PCP4: variants seen among roughly 807,000 people sequenced by gnomAD.
PCP4 encodes the protein Purkinje cell protein 4.
Under a neutral mutation model 10.0 loss-of-function variants are expected in PCP4, and 8 were observed. The ratio of observed to expected loss-of-function variants is 0.80; its 90% CI spans 0.47 to 1.45. The LOEUF is 1.45. Ranked by LOEUF, PCP4 falls within the 40% of genes most tolerant of loss-of-function variation. The pLI is 0.00. For synonymous variants in PCP4, 21 were observed against 23.0 expected (o/e 0.91, Z 0.24); for missense variants, 54 against 74.4 (o/e 0.73, Z 1.01).
chr21:39,884,865 A>G (rs765018266), intron 1 of PCP4, among the ~76,000 whole-genome samples: 1 of 152,076 alleles, frequency 6.6e-6, no homozygotes, highest in Non-Finnish European at 1.5e-5. Flanking sequence ...TTGTGTGCTT[A>G]TAGTCAGTCC....
At chr21:39,901,138 T>C (rs2087480634) in intron 2 of PCP4, among the ~76,000 whole-genome samples, 1 of 152,164 alleles carries the variant, frequency 6.6e-6, no homozygotes, top group African/African-American at 2.4e-5. Flanking sequence ...TATCATGTGA[T>C]GTGTAGCCTA....
At position 39,885,764 on chromosome 21, in the gene PCP4, G is replaced by A. The variant is rs1039852122; in HGVS notation, c.10-12712G>A. Among the ~76,000 whole-genome samples the A allele has an allele frequency of 9.2e-5, 14 of 152,352 alleles. 1 individual carries two copies. Among genetic ancestry groups the A allele is most frequent in the African/African-American group, 3.1e-4 (13 of 41,592 alleles). On this transcript the variant is annotated intron_variant, in intron 1 of 2. Coordinates refer to ENST00000328619, the MANE Select transcript of PCP4 (RefSeq NM_006198.3). Reference sequence around the variant, plus strand: ...AGAGCCTGGGAGCCAGACTTTGCCCGGCTTTCTTTCCTGAGCGTGCTTCTA... The same window carrying A: ...AGAGCCTGGGAGCCAGACTTTGCCCAGCTTTCTTTCCTGAGCGTGCTTCTA...
intron 1 of PCP4, among the ~76,000 whole-genome samples, chr21:39,884,709 A>G (rs1465271844): frequency 6.6e-6 from 1 of 152,020 alleles, no homozygotes; most frequent in Non-Finnish European, 1.5e-5. Context: ...AGACAGGACA[A>G]TTGCTTGAAC....
Position 39,906,980 on chromosome 21 carries a change from T to A in PCP4, c.61+8453T>A, listed in dbSNP as rs1028881891. Among the ~76,000 whole-genome samples, 1 of 152,312 alleles carries A rather than the reference T, an allele frequency of 6.6e-6. No individual in the cohort carries two copies. The highest frequency in any genetic ancestry group is 2.1e-4 in the South Asian group (1 of 4,818). The stretch of plus-strand genomic sequence containing the variant: ...TAAGTAGGTGAAACACTCATAATCT[T>A]ATTTATAGAATTAATGTGCACAGCA... On this transcript the variant is annotated intron_variant, in intron 2 of 2. Coordinates refer to ENST00000328619, the MANE Select transcript of PCP4 (RefSeq NM_006198.3). This position sits in a 1 kb window ranked among gnomAD's most constrained non-coding sequence, Gnocchi z 6.3.
At chr21:39,913,133 A>T (rs1274185280) in intron 2 of PCP4, among the ~76,000 whole-genome samples, 1 of 152,136 alleles carries the variant, frequency 6.6e-6, no homozygotes, top group African/African-American at 2.4e-5. Context: ...AAATATAAGA[A>T]CTCATCTTCC....
At chr21:39,890,729 C>T (rs1053086274) in intron 1 of PCP4, among the ~76,000 whole-genome samples, 4 of 152,010 alleles carry the variant, frequency 2.6e-5, no homozygotes, top group Non-Finnish European at 4.4e-5. Context: ...AAAAATATTG[C>T]GTTAACATAT....
intron 1 of PCP4, among the ~76,000 whole-genome samples, chr21:39,875,352 G>T (rs1448856236): frequency 2.6e-5 from 4 of 151,886 alleles, no homozygotes; most frequent in African/African-American, 9.7e-5. Flanking sequence ...CCTGGGTGCT[G>T]GTCTCCTCAT....
chr21:39,888,891 T>A (rs1055912993), intron 1 of PCP4, among the ~76,000 whole-genome samples: 1 of 152,232 alleles, frequency 6.6e-6, no homozygotes, highest in Non-Finnish European at 1.5e-5. Context: ...GCTTTGCACA[T>A]TGGTAAAGGT....
chr21:39,895,143 CCATCCA>C (rs2087451184), intron 1 of PCP4, among the ~76,000 whole-genome samples: 1 of 151,578 alleles, frequency 6.6e-6, no homozygotes, highest in Non-Finnish European at 1.5e-5. Context: ...ATCCATTCTT[CCATCCA>C]TCCATCCATC....
chr21:39,875,937 G>A (rs2087343624), intron 1 of PCP4, among the ~76,000 whole-genome samples: 1 of 152,022 alleles, frequency 6.6e-6, no homozygotes, highest in Non-Finnish European at 1.5e-5. Flanking sequence ...TGATGGCTGA[G>A]GTTTTTAAGC....
intron 1 of PCP4, among the ~76,000 whole-genome samples, chr21:39,883,784 T>C (rs2087387028): frequency 6.6e-6 from 1 of 152,236 alleles, no homozygotes; most frequent in Non-Finnish European, 1.5e-5. Flanking sequence ...CTCAATGCAC[T>C]GTTTTCATTA....
chr21:39,913,875 A>G (rs2087554080), intron 2 of PCP4, among the ~76,000 whole-genome samples: 1 of 152,186 alleles, frequency 6.6e-6, no homozygotes, highest in South Asian at 2.1e-4. Flanking sequence ...GCAAAGAGAA[A>G]CACCTGTCTG....
At chr21:39,878,331 T>C (rs139483942) in intron 1 of PCP4, among the ~76,000 whole-genome samples, 113 of 152,316 alleles carry the variant, frequency 7.4e-4, no homozygotes, top group African/African-American at 2.4e-3. Flanking sequence ...GATTGAAGAA[T>C]AGCACTACGA....
intron 2 of PCP4, among the ~76,000 whole-genome samples, chr21:39,903,729 G>C (rs1238824499): frequency 6.6e-6 from 1 of 151,772 alleles, no homozygotes; most frequent in Non-Finnish European, 1.5e-5. Context: ...TTATCCGGGC[G>C]CGGTGGCGGG....
At chr21:39,928,388 C>T (rs781613961) in intron 2 of PCP4, among the ~76,000 whole-genome samples, 5 of 152,196 alleles carry the variant, frequency 3.3e-5, no homozygotes, top group Non-Finnish European at 7.3e-5. Flanking sequence ...GAAATCCCTC[C>T]ACCTCAGCAA....
At chr21:39,918,578 A>C (rs1601188178) in intron 2 of PCP4, among the ~76,000 whole-genome samples, 1 of 152,220 alleles carries the variant, frequency 6.6e-6, no homozygotes, top group African/African-American at 2.4e-5. Flanking sequence ...TAACTTGGTA[A>C]ATGGAAAGCT....
chr21:39,888,861 C>T (rs1432298311), intron 1 of PCP4, among the ~76,000 whole-genome samples: 4 of 152,200 alleles, frequency 2.6e-5, no homozygotes, highest in Non-Finnish European at 1.5e-5. Context: ...ACCCTGTACC[C>T]GTGACTTTTT....
rs149827751 is a variant in PCP4, at chr21:39,899,384, T to C, written c.61+857T>C. On this transcript the variant is annotated intron_variant, in intron 2 of 2. Coordinates refer to ENST00000328619, the MANE Select transcript of PCP4 (RefSeq NM_006198.3). ...GACTCTTGCTTCCAACTAGATGAAA[T>C]TGATGCTAGTGTCCATCAATCAGAT... Among the ~76,000 whole-genome samples the C allele has an allele frequency of 1.1e-4, 16 of 152,284 alleles. No homozygotes were observed. In the East Asian group the frequency reaches 2.9e-3, roughly 28 times the overall value.
At chr21:39,884,947 C>G (rs1490369126) in intron 1 of PCP4, among the ~76,000 whole-genome samples, 1 of 152,160 alleles carries the variant, frequency 6.6e-6, no homozygotes, top group East Asian at 1.9e-4. Flanking sequence ...AGCCCAATTA[C>G]GATGCAAGGT....
Sources: allele counts gnomAD v4.1 joint callset (sites outside exome capture counted in the v4.1 genomes callset), GRCh38; gene constraint gnomAD v4.1.1; non-coding constraint Gnocchi (gnomAD v3.1); transcripts MANE v1.5; gene names NCBI Gene and HGNC (gene_info 2026-07-23, HGNC 2026-07-21).